The following RIT2 variants were observed in gnomAD, a reference collection of about 807,000 sequenced individuals.
RIT2 encodes the protein GTP-binding protein Rit2.
Under a neutral mutation model 23.7 loss-of-function variants are expected in RIT2, and 24 were observed. The ratio of observed to expected loss-of-function variants is 1.01; its 90% CI spans 0.73 to 1.43. The LOEUF (loss-of-function observed/expected upper bound fraction) is 1.43. RIT2 is among the 40% of genes most tolerant of loss of function. The pLI is 0.00. For synonymous variants in RIT2, 107 were observed against 91.1 expected, an observed-to-expected ratio of 1.17 and a Z score of -0.99; for missense variants, 236 against 266.9, an observed-to-expected ratio of 0.88 and a Z score of 0.81.
intron 2 of RIT2, among the ~76,000 whole-genome samples, chr18:43,019,055 T>C (rs931779288): frequency 1.3e-5 from 2 of 151,926 alleles, no homozygotes; most frequent in African/African-American, 4.8e-5. Flanking sequence ...AAGATTAATC[T>C]TGAATAGAAA....
intron 4 of RIT2, among the ~76,000 whole-genome samples, chr18:42,855,263 A>G (rs2144041708): frequency 6.6e-6 from 1 of 152,300 alleles, no homozygotes; most frequent in South Asian, 2.1e-4. Flanking sequence ...TTGTATAGAA[A>G]GTTTTCATCA....
At chr18:42,870,109 ACTTGT>A (rs1206834033) in intron 4 of RIT2, among the ~76,000 whole-genome samples, 3 of 152,216 alleles carry the variant, frequency 2.0e-5, no homozygotes, top group Non-Finnish European at 4.4e-5. Flanking sequence ...GAGAGTGGCT[ACTTGT>A]CTTGTTTTAT....
chr18:42,783,898 T>C (rs934646154), intron 4 of RIT2, among the ~76,000 whole-genome samples: 13 of 152,112 alleles, frequency 8.5e-5, no homozygotes, highest in African/African-American at 3.1e-4. Flanking sequence ...AGGTCATTTG[T>C]TATTCCTTAT....
chr18:43,097,667 G>C (rs1395904290), intron 1 of RIT2, among the ~76,000 whole-genome samples: 1 of 151,920 alleles, frequency 6.6e-6, no homozygotes, highest in East Asian at 1.9e-4. Context: ...AGTTTTACTT[G>C]AGGCTGATTC....
At chr18:43,106,407 T>TC (rs1913823689) in intron 1 of RIT2, among the ~76,000 whole-genome samples, 1 of 152,180 alleles carries the variant, frequency 6.6e-6, no homozygotes. Context: ...TTTTCACATA[T>TC]ACAAGAAATC....
intron 2 of RIT2, among the ~76,000 whole-genome samples, chr18:42,980,884 G>A (rs1910583984): frequency 6.6e-6 from 1 of 152,116 alleles, no homozygotes; most frequent in Non-Finnish European, 1.5e-5. Flanking sequence ...ATGTAGCCCT[G>A]GCAAGAGTAT....
intron 4 of RIT2, among the ~76,000 whole-genome samples, chr18:42,786,461 G>T (rs923153607): frequency 2.6e-5 from 4 of 152,024 alleles, no homozygotes; most frequent in Non-Finnish European, 5.9e-5. Flanking sequence ...GTTTTTGATA[G>T]AAATTAAAAT....
At chr18:43,113,854 G>A (rs1484679468) in intron 1 of RIT2, among the ~76,000 whole-genome samples, 2 of 152,034 alleles carry the variant, frequency 1.3e-5, no homozygotes, top group South Asian at 2.1e-4. Context: ...GCTGCTGGTG[G>A]CATTTAATGT....
intron 3 of RIT2, among the ~76,000 whole-genome samples, chr18:42,937,983 G>T (rs559917876): frequency 6.6e-6 from 1 of 152,104 alleles, no homozygotes; most frequent in Admixed American, 6.6e-5. Context: ...GGCTGTGGGG[G>T]ATTACTTTGA....
chr18:42,870,693 G>A (rs979427021), intron 4 of RIT2, among the ~76,000 whole-genome samples: 1 of 152,116 alleles, frequency 6.6e-6, no homozygotes, highest in Admixed American at 6.5e-5. Flanking sequence ...AGGCCAAGAA[G>A]CAACGGCATG....
chr18:42,757,345 C>T (rs1024607584), intron 4 of RIT2, among the ~76,000 whole-genome samples: 8 of 152,156 alleles, frequency 5.3e-5, no homozygotes, highest in African/African-American at 1.7e-4. Context: ...GGTCATCATG[C>T]CTTCTTGAAT....
At chr18:42,986,482 T>C (rs1910712807) in intron 2 of RIT2, among the ~76,000 whole-genome samples, 1 of 151,978 alleles carries the variant, frequency 6.6e-6, no homozygotes, top group African/African-American at 2.4e-5. Context: ...GATAAAGCTG[T>C]TTATTTTTAT....
At chr18:42,744,961 C>T (rs1912884255) in intron 4 of RIT2, among the ~76,000 whole-genome samples, 1 of 152,140 alleles carries the variant, frequency 6.6e-6, no homozygotes, top group Non-Finnish European at 1.5e-5. Context: ...GGGACCGTGT[C>T]TGTCTCACTT....
intron 4 of RIT2, among the ~76,000 whole-genome samples, chr18:42,745,566 CT>C (rs1912897602): frequency 6.6e-6 from 1 of 152,098 alleles, no homozygotes; most frequent in Non-Finnish European, 1.5e-5. Context: ...GATTATCTCT[CT>C]TATTTTATTT....
intron 4 of RIT2, among the ~76,000 whole-genome samples, chr18:42,838,678 C>T (rs1282543564): frequency 3.3e-5 from 5 of 152,126 alleles, no homozygotes; most frequent in Non-Finnish European, 7.4e-5. Flanking sequence ...ATTCATATTG[C>T]TTTGTTTTTC....
At chr18:43,065,370 A>G (rs1912748559) in intron 1 of RIT2, among the ~76,000 whole-genome samples, 1 of 152,066 alleles carries the variant, frequency 6.6e-6, no homozygotes, top group Non-Finnish European at 1.5e-5. Context: ...AGCTGGGACT[A>G]CAGGCCTGAA....
chr18:42,964,255 G>T (rs531161830), intron 3 of RIT2, among the ~76,000 whole-genome samples: 1 of 151,012 alleles, frequency 6.6e-6, no homozygotes, highest in Non-Finnish European at 1.5e-5. Flanking sequence ...CAATCTTCAG[G>T]CCTCAAAATC....
In RIT2 at chr18:42,743,714, T is replaced by A. The variant is rs1452680761; in HGVS notation, c.433A>T (p.Thr145Ser). Residue 145 changes from threonine (T) to serine (S), a missense_variant, in exon 5 of 5, where the codon ACA becomes TCA. Coordinates refer to ENST00000326695, the MANE Select transcript of RIT2 (RefSeq NM_002930.4). ...IDLEQFRQVSTEEGLSLAQEY... is the reference protein window; with the variant it reads ...IDLEQFRQVSSEEGLSLAQEY... ...TGGGCAAGACTCAAGCCTTCTTCTG[T>A]AGAAACCTAAGGAAAAAACAAATAA... is the stretch of plus-strand genomic sequence containing the variant. The A allele has an allele frequency of 5.6e-6, 9 of 1,603,740 alleles. No individual in the cohort carries two copies. In the East Asian group the frequency reaches 2.0e-4, roughly 36 times the overall value.
intron 4 of RIT2, among the ~76,000 whole-genome samples, chr18:42,744,202 ACT>A (rs1387995933): frequency 4.0e-5 from 6 of 151,514 alleles, no homozygotes; most frequent in Admixed American, 6.6e-5. Flanking sequence ...CCCTTTGCTG[ACT>A]CTCTTTTTGG....
Sources: gnomAD v4.1 joint callset for allele counts (sites outside exome capture counted in the v4.1 genomes callset) on GRCh38, gnomAD v4.1.1 for gene constraint, MANE v1.5 for transcripts, NCBI Gene and HGNC (gene_info 2026-07-23, HGNC 2026-07-21) for gene names.